CADPS: variants seen among roughly 807,000 people sequenced by gnomAD.
The protein encoded by CADPS is calcium dependent secretion activator.
In CADPS, 57 loss-of-function variants were observed where a neutral mutation model predicts 167.3. The ratio of observed to expected loss-of-function variants is 0.34; its 90% CI spans 0.28 to 0.42. The LOEUF is 0.42. Ranked by LOEUF, CADPS falls within the 20% of genes least tolerant of loss-of-function variation. The pLI, the probability that CADPS is intolerant of heterozygous loss-of-function variation, is 1.00. For synonymous variants in CADPS, 676 were observed against 635.3 expected, an observed-to-expected ratio of 1.06 and a Z score of -0.96; for missense variants, 1,414 against 1,738.1, an observed-to-expected ratio of 0.81 and a Z score of 3.32.
intron 10 of CADPS, among the ~76,000 whole-genome samples, chr3:62,555,816 T>C (rs987382275): frequency 3.3e-5 from 5 of 152,138 alleles, no homozygotes; most frequent in Admixed American, 6.5e-5. Context: ...TCATAGCTTA[T>C]TGCTGCCTCC....
In CADPS at chr3:62,783,083, C is replaced by T. The variant is rs1331743634; in HGVS notation, c.442-17099G>A. 2.0e-5 allele frequency among the ~76,000 whole-genome samples: 3 copies of T among 152,142 alleles called. No individual in the cohort carries two copies. The South Asian group carries it at 6.2e-4, about 32-fold the overall frequency. On this transcript the variant is annotated intron_variant, in intron 1 of 29. Transcript: ENST00000383710. ...CCTAGTCTAGCATTTTTTAATATAG[C>T]ATCTTACATTCCTCCAGAAAATTGT...
intron 4 of CADPS, 46 bp downstream of exon 4, chr3:62,662,267 TG>T: frequency 6.8e-7 from 1 of 1,463,778 alleles, no homozygotes; most frequent in Non-Finnish European, 9.6e-7. Flanking sequence ...GCTTCCTGAG[TG>T]GGACTTTGGC....
intron 11 of CADPS, among the ~76,000 whole-genome samples, chr3:62,545,766 CAA>C (rs1175244395): frequency 6.6e-6 from 1 of 152,126 alleles, no homozygotes; most frequent in African/African-American, 2.4e-5. Flanking sequence ...CAATTACTCC[CAA>C]GTTTTCCAAA....
At chr3:62,615,898 T>C (rs1327610681) in intron 6 of CADPS, among the ~76,000 whole-genome samples, 5 of 152,200 alleles carry the variant, frequency 3.3e-5, no homozygotes, top group Admixed American at 1.3e-4. Context: ...AAGACAACCC[T>C]GCAACCTTCT....
chr3:62,702,399 C>T (rs1252949962), intron 3 of CADPS, among the ~76,000 whole-genome samples: 1 of 152,084 alleles, frequency 6.6e-6, no homozygotes, highest in Non-Finnish European at 1.5e-5. Flanking sequence ...AGGAACTGAG[C>T]CTGTCGGGGG....
rs544931586 is a variant in CADPS, at chr3:62,410,675, C to T, written c.3778-7490G>A. On this transcript the variant is annotated intron_variant, in intron 28 of 29. Transcript: ENST00000383710. ...TAGGATTAAATGAGTTATTTAGGTG[C>T]TGAGTGCTTATAACAGTGCCAGGCA... is the stretch of plus-strand genomic sequence containing the variant. Among the ~76,000 whole-genome samples the T allele has an allele frequency of 8.5e-5, 13 of 152,266 alleles. No individual in the cohort carries two copies. In the South Asian group the frequency reaches 2.5e-3, roughly 29 times the overall value.
At chr3:62,440,789 G>C (rs931547550) in intron 27 of CADPS, 3 of 152,180 alleles carry the variant, frequency 2.0e-5, no homozygotes. Flanking sequence ...TATGCCTGAC[G>C]GTGAGGGAGG....
chr3:62,842,726 TAGAG>T (rs751237649), intron 1 of CADPS, among the ~76,000 whole-genome samples: 4 of 152,178 alleles, frequency 2.6e-5, no homozygotes, highest in Non-Finnish European at 4.4e-5. Context: ...TACAAGGTGA[TAGAG>T]AGCCAGAATC....
At chr3:62,636,652 A>C (rs2066370620) in intron 6 of CADPS, among the ~76,000 whole-genome samples, 1 of 152,180 alleles carries the variant, frequency 6.6e-6, no homozygotes, top group South Asian at 2.1e-4. Context: ...CAAATAAGTA[A>C]CTGATAAACA....
chr3:62,410,667 T>C, intron 28 of CADPS, among the ~76,000 whole-genome samples: 1 of 152,240 alleles, frequency 6.6e-6, no homozygotes, highest in East Asian at 1.9e-4. Flanking sequence ...AAATGAGTTA[T>C]TTAGGTGCTG....
chr3:62,663,178 A>G (rs1381734291), intron 3 of CADPS, among the ~76,000 whole-genome samples: 2 of 152,184 alleles, frequency 1.3e-5, no homozygotes, highest in Non-Finnish European at 2.9e-5. Flanking sequence ...TTTGAGGGCC[A>G]TAAGATCTCT....
intron 13 of CADPS, among the ~76,000 whole-genome samples, chr3:62,525,618 C>T (rs2071896349): frequency 6.6e-6 from 1 of 151,836 alleles, no homozygotes; most frequent in Non-Finnish European, 1.5e-5. Context: ...CCCCACTACA[C>T]AGTTTTTGCC....
chr3:62,586,203 G>A (rs1409863660), intron 7 of CADPS, among the ~76,000 whole-genome samples: 1 of 152,188 alleles, frequency 6.6e-6, no homozygotes, highest in Non-Finnish European at 1.5e-5. Flanking sequence ...AACAAAAGCT[G>A]GGCTTGCTAA....
intron 11 of CADPS, among the ~76,000 whole-genome samples, chr3:62,549,249 C>G (rs1166357013): frequency 6.6e-6 from 1 of 152,004 alleles, no homozygotes; most frequent in Admixed American, 6.6e-5. Context: ...TTCACCTCAC[C>G]CTGTGTATCA....
intron 13 of CADPS, among the ~76,000 whole-genome samples, chr3:62,521,177 G>A (rs865586): frequency 0.066 from 10,024 of 152,142 alleles, 387 homozygotes; most frequent in East Asian, 0.15. Flanking sequence ...GGTGCTGCTA[G>A]TGCTGCTGGT....
In CADPS at chr3:62,431,397, C is replaced by T. The variant is rs577426710; in HGVS notation, c.3777+6707G>A. Among the ~76,000 whole-genome samples, 13 of 152,164 alleles carry T rather than the reference C, an allele frequency of 8.5e-5. 1 individual carries two copies. In the South Asian group the frequency reaches 2.1e-3, roughly 24 times the overall value. On this transcript the variant is annotated intron_variant, in intron 28 of 29. Coordinates refer to ENST00000383710, the MANE Select transcript of CADPS (RefSeq NM_003716.4). ...GTGAGTTTTTTACAGTTTAGCCCCC[C>T]CTCAATCTTTTTTTTTTAAACTAGC... is the stretch of plus-strand genomic sequence containing the variant.
chr3:62,740,605 T>G (rs2080007929), intron 3 of CADPS, among the ~76,000 whole-genome samples: 1 of 152,128 alleles, frequency 6.6e-6, no homozygotes, highest in Non-Finnish European at 1.5e-5. Context: ...CCTAATACCT[T>G]CTCTGTGAAG....
intron 3 of CADPS, among the ~76,000 whole-genome samples, chr3:62,745,482 T>C (rs774908793): frequency 6.6e-6 from 1 of 152,234 alleles, no homozygotes; most frequent in African/African-American, 2.4e-5. Flanking sequence ...TAATGACTTC[T>C]AGGGGCAGTG....
chr3:62,747,759 A>G (rs553370829), intron 3 of CADPS, among the ~76,000 whole-genome samples: 1 of 152,290 alleles, frequency 6.6e-6, no homozygotes, highest in East Asian at 1.9e-4. Flanking sequence ...GAATAAATGA[A>G]CAGATTATCG....
Sources: gnomAD v4.1 joint callset for allele counts (sites outside exome capture counted in the v4.1 genomes callset) on GRCh38, gnomAD v4.1.1 for gene constraint, MANE v1.5 for transcripts, NCBI Gene and HGNC (gene_info 2026-07-23, HGNC 2026-07-21) for gene names.